The following LRCH4 variants were observed in gnomAD, a reference collection of about 807,000 sequenced individuals.
LRCH4 encodes the protein leucine-rich repeat and calponin homology domain-containing protein 4.
Under a neutral mutation model 81.2 loss-of-function variants are expected in LRCH4, and 56 were observed. The ratio of observed to expected loss-of-function variants is 0.69; its 90% confidence interval spans 0.56 to 0.86. The LOEUF (loss-of-function observed/expected upper bound fraction) is 0.86. Ranked by LOEUF, LRCH4 falls within the 40% of genes least tolerant of loss-of-function variation. The pLI, the probability that LRCH4 is intolerant of heterozygous loss-of-function variation, is 0.00. For synonymous variants in LRCH4, 442 were observed against 409.7 expected (o/e 1.08, Z -0.95); for missense variants, 895 against 922.8 (o/e 0.97, Z 0.39).
At chr7:100,584,690 T>C in intron 1 of LRCH4, 1 of 456,394 alleles carries the variant, frequency 2.2e-6, no homozygotes, top group Non-Finnish European at 4.4e-6. Flanking sequence ...CCATCTCAAG[T>C]GTTGCAGAGC....
chr7:100,586,078 G>T lies in LRCH4; in HGVS notation c.23C>A (p.Pro8Gln), dbSNP rs1801737321. ...CGCCTCCTCACCCCCGGCGGCGAGT[G>T]GAGCCGCTACGGCCGCCGCCATCCG... is the stretch of plus-strand genomic sequence containing the variant. MAAAVAA[P>Q]LAAGGEEAAA... Residue 8 changes from proline to glutamine, a missense_variant, in exon 1 of 18, where the codon CCA becomes CAA. Physicochemically the swap from Pro to Gln is moderately conservative, Grantham distance 76 (BLOSUM62 -1). This residue lies in a region of LRCH4 where 360 missense variants were observed against 397.0 expected (regional missense o/e 0.91). Coordinates refer to ENST00000310300, the MANE Select transcript of LRCH4 (RefSeq NM_002319.5). The T allele has an allele frequency of 6.5e-7, 1 of 1,546,584 alleles. No individual in the cohort carries two copies.
Position 100,583,271 on chromosome 7 carries a change from C to T in LRCH4, c.221-812G>A, listed in dbSNP as rs551862511. Among the ~76,000 whole-genome samples, 4 of 152,276 alleles carry T rather than the reference C, an allele frequency of 2.6e-5. No homozygotes were observed. The East Asian group carries it at 7.8e-4, about 30-fold the overall frequency. The stretch of plus-strand genomic sequence containing the variant: ...TCAGCAACTGTGTGAGCATCTCAGG[C>T]ACGGCGAGGGTGGAGAGTGTGGGAG... On this transcript the variant is annotated intron_variant, in intron 1 of 17. Transcript: ENST00000310300. This position sits in a 1 kb window ranked among gnomAD's most constrained non-coding sequence, Gnocchi z 4.3.
intron 1 of LRCH4, chr7:100,584,612 G>C (rs1246302057): frequency 2.3e-6 from 1 of 439,882 alleles, no homozygotes; most frequent in African/African-American, 2.0e-5. Flanking sequence ...TGGAGTGTGG[G>C]GTTAGGTGGG....
Position 100,574,899 on chromosome 7 carries a change from G to C in LRCH4, c.*208C>G. The C allele has an allele frequency of 3.6e-6, 2 of 548,306 alleles. No homozygotes were observed. Among genetic ancestry groups the C allele is most frequent in the Non-Finnish European group, 6.5e-6 (2 of 307,826 alleles). The allele number at this position is 548,306 out of a possible 1,614,324, so 34.0% of individuals were successfully genotyped here. On this transcript the variant is annotated 3_prime_UTR_variant, in exon 18 of 18. Coordinates refer to ENST00000310300, the MANE Select transcript of LRCH4 (RefSeq NM_002319.5). The stretch of plus-strand genomic sequence containing the variant: ...AGGCACCGTCAGCACTGAGAGGTGG[G>C]GACTCGTGGGGCTACTGGAGGGAGG...
intron 1 of LRCH4, chr7:100,584,194 G>C: frequency 2.2e-6 from 1 of 456,552 alleles, no homozygotes. Context: ...GAGAGATGGA[G>C]GGCAGGGTAT....
In LRCH4 at chr7:100,575,594, C is replaced by T; in HGVS notation, c.1854+111G>A. On this transcript the variant is annotated intron_variant, in intron 17 of 17. Transcript: ENST00000310300. This position sits in a 1 kb window ranked among gnomAD's most constrained non-coding sequence, Gnocchi z 5.3. ...GCATGCTGGGCAGGGCAGGGGCAGC[C>T]TGTGCCTTCATCTGAGAGCAGACAT... is the stretch of plus-strand genomic sequence containing the variant. 7.6e-7 allele frequency: 1 copy of T among 1,321,792 alleles called. No homozygotes were observed. The highest frequency in any genetic ancestry group is 1.2e-5 in the South Asian group (1 of 85,016). 81.9% of individuals were successfully genotyped at this position (1,321,792 alleles called of 1,614,324 possible). A position where few individuals can be genotyped will look rare whatever the true frequency, so the allele number is the denominator to read the frequency against.
chr7:100,582,306 C>T lies in LRCH4; in HGVS notation c.365+9G>A, dbSNP rs757713339. On this transcript the variant is annotated intron_variant, in intron 2 of 17. Coordinates refer to ENST00000310300, the MANE Select transcript of LRCH4 (RefSeq NM_002319.5). The surrounding 1 kb of genome is among the most constrained non-coding windows in gnomAD (Gnocchi z 5.0). ...ACGCTCCCACGTGGCCCTGGCTCGG[C>T]CTCCCTACCTGAGGTTGAGGTAGGT... 6.2e-7 allele frequency: 1 copy of T among 1,614,114 alleles called. No individual in the cohort carries two copies. Among genetic ancestry groups the T allele is most frequent in the South Asian group, 1.1e-5 (1 of 91,084 alleles).
chr7:100,580,477 C>A (rs1048740391), intron 4 of LRCH4: 6 of 151,736 alleles, frequency 4.0e-5, no homozygotes, highest in African/African-American at 1.5e-4. Flanking sequence ...AACATACATA[C>A]ACACAGACAC....
In LRCH4 at chr7:100,585,949, T is replaced by C. The variant is rs1223796614; in HGVS notation, c.152A>G (p.Asn51Ser). 1 of 1,612,396 alleles carries C rather than the reference T, an allele frequency of 6.2e-7. No homozygotes were observed. Among genetic ancestry groups the C allele is most frequent in the Non-Finnish European group, 8.5e-7 (1 of 1,179,166 alleles). ...AVATGTLNLS[N>S]RRLKHFPRGA... The stretch of plus-strand genomic sequence containing the variant: ...CCGGGGGAAGTGCTTCAAGCGCCGG[T>C]TAGACAGGTTCAGGGTCCCGGTGGC... The change falls in exon 1 of 18, where the codon AAC becomes AGC. Residue 51 changes from asparagine (N) to serine (S), a missense_variant. Physicochemically the swap from Asn to Ser is conservative, Grantham distance 46 (BLOSUM62 1). Coordinates refer to ENST00000310300, the MANE Select transcript of LRCH4 (RefSeq NM_002319.5).
Position 100,586,086 on chromosome 7 carries a change from T to C in LRCH4, c.15A>G (p.Val5=), listed in dbSNP as rs1238598290. ...CACCCCCGGCGGCGAGTGGAGCCGCTACGGCCGCCGCCATCCGCTCCCGGC... is the reference window on the plus strand; with the variant it reads ...CACCCCCGGCGGCGAGTGGAGCCGCCACGGCCGCCGCCATCCGCTCCCGGC... The part of the protein sequence containing the change: MAAA[V]AAPLAAGGEE... Residue 5 remains valine (V), a synonymous_variant, in exon 1 of 18, where the codon GTA becomes GTG. Coordinates refer to ENST00000310300, the MANE Select transcript of LRCH4 (RefSeq NM_002319.5). 6.5e-7 allele frequency: 1 copy of C among 1,531,664 alleles called. No homozygotes were observed. Among genetic ancestry groups the C allele is most frequent in the South Asian group, 1.2e-5 (1 of 83,422 alleles). The allele number at this position is 1,531,664 out of a possible 1,614,324, so 94.9% of individuals were successfully genotyped here. A position where few individuals can be genotyped will look rare whatever the true frequency, so the allele number is the denominator to read the frequency against.
intron 3 of LRCH4, 65 bp downstream of exon 3, chr7:100,581,976 C>A: frequency 6.2e-7 from 1 of 1,603,950 alleles, no homozygotes; most frequent in Non-Finnish European, 8.5e-7. Context: ...CCTCCCCAAC[C>A]TCCCCCTAGA....
chr7:100,581,325 T>A (rs967753130), intron 4 of LRCH4, among the ~76,000 whole-genome samples: 1 of 152,248 alleles, frequency 6.6e-6, no homozygotes, highest in African/African-American at 2.4e-5. Flanking sequence ...GAAGGTGTAA[T>A]TCTCCTCTGA....
rs374779281 is a variant in LRCH4, at chr7:100,577,774, G to C, written c.1040-34C>G. 5.0e-6 allele frequency: 8 copies of C among 1,613,716 alleles called. No individual in the cohort carries two copies. The highest frequency in any genetic ancestry group is 2.7e-5 in the African/African-American group (2 of 74,912). The stretch of plus-strand genomic sequence containing the variant: ...GCCAGCATGTCAGCAAGTGAGCGGG[G>C]ACCCAGGCCCTGGTCCAGCCCAGCT... On this transcript the variant is annotated intron_variant, in intron 8 of 17. Transcript: ENST00000310300. This position sits in a 1 kb window ranked among gnomAD's most constrained non-coding sequence, Gnocchi z 6.7.
Position 100,576,461 on chromosome 7 carries a change from G to C in LRCH4, c.1553-138C>G. The C allele has an allele frequency of 2.9e-6, 2 of 685,768 alleles. 1 individual carries two copies. The highest frequency in any genetic ancestry group is 3.7e-5 in the South Asian group (2 of 53,734). The allele number at this position is 685,768 out of a possible 1,614,324, so 42.5% of individuals were successfully genotyped here. A position where few individuals can be genotyped will look rare whatever the true frequency, so the allele number is the denominator to read the frequency against. On this transcript the variant is annotated intron_variant, in intron 14 of 17. Transcript: ENST00000310300. ...TTTTATTTCATGGAGATGGGGTCTCGCTATGTTGCCCAGGCTGGTCTTGAA... is the reference window on the plus strand; with the variant it reads ...TTTTATTTCATGGAGATGGGGTCTCCCTATGTTGCCCAGGCTGGTCTTGAA...
Position 100,578,091 on chromosome 7 carries a change from G to A in LRCH4, c.948+68C>T. The A allele has an allele frequency of 2.0e-6, 3 of 1,498,776 alleles. No individual in the cohort carries two copies. Among genetic ancestry groups the A allele is most frequent in the South Asian group, 2.3e-5 (2 of 87,860 alleles). 92.8% of individuals were successfully genotyped at this position (1,498,776 alleles called of 1,614,324 possible). A position where few individuals can be genotyped will look rare whatever the true frequency, so the allele number is the denominator to read the frequency against. On this transcript the variant is annotated intron_variant, in intron 7 of 17. Coordinates refer to ENST00000310300, the MANE Select transcript of LRCH4 (RefSeq NM_002319.5). This position sits in a 1 kb window ranked among gnomAD's most constrained non-coding sequence, Gnocchi z 5.7. ...TCTGCCTGGCACCCTGCAATTTGGA[G>A]GTCCCCAGTTCAGAGGTGCTCTCCC...
intron 15 of LRCH4, 47 bp downstream of exon 15, chr7:100,576,191 G>A (rs535986162): frequency 6.3e-7 from 1 of 1,586,948 alleles, no homozygotes; most frequent in South Asian, 1.1e-5. Context: ...AACACAAGGA[G>A]GTGCCCGGCC....
At chr7:100,585,654 C>T (rs779723815) in intron 1 of LRCH4, among the ~76,000 whole-genome samples, 1 of 152,158 alleles carries the variant, frequency 6.6e-6, no homozygotes, top group African/African-American at 2.4e-5. Context: ...AGGAATCTCT[C>T]CCAACGCTCG....
chr7:100,575,730 G>C lies in LRCH4; in HGVS notation c.1829C>G (p.Ala610Gly), dbSNP rs763507534. The stretch of plus-strand genomic sequence containing the variant: ...CTCAGGCACCCCCATTTTTCGACAG[G>C]CTTCTAGAAAACTCTCCACATTCTT... ...ARKNVESFLE[A>G]CRKMGVPEAD... is the part of the protein sequence containing the mutation. Residue 610 changes from alanine to glycine, a missense_variant, in exon 17 of 18, where the codon GCC (alanine) becomes GGC (glycine). Ala to Gly is a moderately conservative substitution (Grantham distance 60). This residue lies in a region of LRCH4 where 529 missense variants were observed against 504.9 expected (regional missense o/e 1.05). Transcript: ENST00000310300. The surrounding 1 kb of genome is among the most constrained non-coding windows in gnomAD (Gnocchi z 5.3). 1.2e-6 allele frequency: 2 copies of C among 1,613,906 alleles called. No individual in the cohort carries two copies. Among genetic ancestry groups the C allele is most frequent in the South Asian group, 1.1e-5 (1 of 91,042 alleles).
At chr7:100,584,848 C>T (rs1584412828) in intron 1 of LRCH4, 1 of 451,120 alleles carries the variant, frequency 2.2e-6, no homozygotes, top group East Asian at 7.0e-5. Context: ...CCCCACCGTG[C>T]AGATGAGAGG....
Sources: allele counts gnomAD v4.1 joint callset (sites outside exome capture counted in the v4.1 genomes callset), GRCh38; gene constraint gnomAD v4.1.1; regional missense constraint gnomAD v4.1.1; non-coding constraint Gnocchi (gnomAD v3.1); transcripts MANE v1.5; gene names NCBI Gene and HGNC (gene_info 2026-07-23, HGNC 2026-07-21).